Variants in TAFA5 observed in about 807,000 individuals in gnomAD.
TAFA5 encodes the protein TAFA chemokine like family member 5, also known as chemokine-like protein TAFA-5.
A neutral mutation model predicts 15.3 loss-of-function variants in TAFA5; 6 were observed. That is an observed-to-expected ratio of 0.39 (90% CI 0.21 to 0.77). The LOEUF is 0.77. Ranked by LOEUF, TAFA5 falls within the 30% of genes least tolerant of loss-of-function variation. The probability of loss-of-function intolerance (pLI) is 0.41; values close to 1 mark genes in which losing one functional copy is unlikely to be tolerated. For missense variants in TAFA5, 161 were observed against 193.1 expected, an observed-to-expected ratio of 0.83 and a Z score of 0.98; for synonymous variants, 103 against 80.7, an observed-to-expected ratio of 1.28 and a Z score of -1.48.
intron 3 of TAFA5, among the ~76,000 whole-genome samples, 200 bp downstream of exon 3, chr22:48,708,044 G>A (rs1929137879): frequency 1.3e-5 from 2 of 152,084 alleles, no homozygotes; most frequent in African/African-American, 2.4e-5. Flanking sequence ...CAGACGGTCT[G>A]TGAGTACATG....
intron 1 of TAFA5, among the ~76,000 whole-genome samples, chr22:48,570,547 T>C (rs1203698595): frequency 1.3e-5 from 2 of 152,244 alleles, no homozygotes; most frequent in Non-Finnish European, 2.9e-5. Context: ...AGTTTCAACA[T>C]GCGTGATGTC....
chr22:48,542,681 G>A (rs1922497466), intron 1 of TAFA5, among the ~76,000 whole-genome samples: 1 of 142,014 alleles, frequency 7.0e-6, no homozygotes, highest in African/African-American at 2.6e-5. Flanking sequence ...TGATGTTTGT[G>A]TGGTGTATGT....
intron 2 of TAFA5, among the ~76,000 whole-genome samples, chr22:48,704,011 G>C (rs1487445765): frequency 6.6e-6 from 1 of 152,226 alleles, no homozygotes; most frequent in Non-Finnish European, 1.5e-5. Context: ...GGGGACCCCA[G>C]GGGGTTTCTG....
chr22:48,687,331 G>A (rs896775939), intron 2 of TAFA5, among the ~76,000 whole-genome samples: 1 of 150,666 alleles, frequency 6.6e-6, no homozygotes, highest in African/African-American at 2.4e-5. Context: ...TGGTGGACAG[G>A]TGGATGGATG....
chr22:48,683,766 G>T (rs1322933303), intron 2 of TAFA5, among the ~76,000 whole-genome samples: 5 of 152,218 alleles, frequency 3.3e-5, no homozygotes, highest in Non-Finnish European at 7.3e-5. Flanking sequence ...ATCCCCACAT[G>T]TCGAGGGAGA....
chr22:48,509,239 G>A (rs190619827), intron 1 of TAFA5, among the ~76,000 whole-genome samples: 97 of 152,274 alleles, frequency 6.4e-4, no homozygotes, highest in Non-Finnish European at 9.3e-4. Context: ...ATTCTGCGTC[G>A]TGGCTCTTGT....
chr22:48,589,939 A>T (rs74708428), intron 1 of TAFA5, among the ~76,000 whole-genome samples: 25,766 of 151,892 alleles, frequency 0.17, 2,549 homozygotes, highest in East Asian at 0.3. Context: ...GAGGAACCGG[A>T]TATAGCAGGC....
chr22:48,665,825 G>A (rs1459239324), intron 2 of TAFA5, among the ~76,000 whole-genome samples: 2 of 152,062 alleles, frequency 1.3e-5, no homozygotes, highest in South Asian at 2.1e-4. Context: ...GCGCCCTCCC[G>A]AGAACGCTAA....
At chr22:48,573,069 T>C (rs1168278674) in intron 1 of TAFA5, among the ~76,000 whole-genome samples, 1 of 152,236 alleles carries the variant, frequency 6.6e-6, no homozygotes. Context: ...TGTGGACAGC[T>C]TTCCTCTGGC....
At chr22:48,699,338 G>A (rs758118141) in intron 2 of TAFA5, among the ~76,000 whole-genome samples, 3 of 152,154 alleles carry the variant, frequency 2.0e-5, no homozygotes, top group Non-Finnish European at 4.4e-5. Flanking sequence ...CCCTTACCAG[G>A]CGGTAAAACT....
chr22:48,708,883 A>G (rs1033742635), intron 3 of TAFA5, among the ~76,000 whole-genome samples: 2 of 152,190 alleles, frequency 1.3e-5, no homozygotes, highest in Non-Finnish European at 2.9e-5. Context: ...GCAGCCTCCA[A>G]GAGAGGGCTC....
intron 1 of TAFA5, among the ~76,000 whole-genome samples, chr22:48,555,700 C>T (rs1248367682): frequency 6.6e-6 from 1 of 152,182 alleles, no homozygotes; most frequent in African/African-American, 2.4e-5. Flanking sequence ...ATCAGCAAGG[C>T]CCAGGGAAGA....
chr22:48,576,427 G>C, intron 1 of TAFA5: 2 of 1,317,744 alleles, frequency 1.5e-6, no homozygotes, highest in Non-Finnish European at 2.0e-6. Context: ...CTGATGCGGC[G>C]CCTGGACCTT....
At chr22:48,591,427 C>A (rs1924563617) in intron 1 of TAFA5, among the ~76,000 whole-genome samples, 1 of 152,256 alleles carries the variant, frequency 6.6e-6, no homozygotes, top group Non-Finnish European at 1.5e-5. Context: ...GTGCGTCTGA[C>A]CCCCAGGGCT....
chr22:48,592,997 C>T (rs1028508014), intron 1 of TAFA5, among the ~76,000 whole-genome samples: 2 of 152,050 alleles, frequency 1.3e-5, no homozygotes, highest in African/African-American at 4.8e-5. Context: ...AGGGCCTCTT[C>T]AGAGCTAGCT....
At chr22:48,640,828 A>G (rs35568027) in intron 1 of TAFA5, among the ~76,000 whole-genome samples, 18,805 of 146,884 alleles carry the variant, frequency 0.13, 607 homozygotes, top group East Asian at 0.32. Context: ...GGTCTGCCCT[A>G]TGGGACAACT....
In TAFA5 at chr22:48,594,045, C is replaced by G. The variant is rs142888951; in HGVS notation, c.113-52552C>G. Among the ~76,000 whole-genome samples the G allele has an allele frequency of 3.3e-3, 501 of 152,304 alleles. 5 individuals carry two copies. The highest frequency in any genetic ancestry group is 0.011 in the African/African-American group (467 of 41,570). ...ACCCATTGTGATAAATGCCAGAAAA[C>G]AAAAGCTTTTTTCCAGGGCGCTGAG... On this transcript the variant is annotated intron_variant, in intron 1 of 3. Coordinates refer to ENST00000402357, the MANE Select transcript of TAFA5 (RefSeq NM_001082967.3).
chr22:48,576,314 A>C, intron 1 of TAFA5: 4 of 1,071,260 alleles, frequency 3.7e-6, no homozygotes, highest in East Asian at 5.8e-5. Context: ...AGAAAGACAC[A>C]AATCGCCTCC....
intron 1 of TAFA5, among the ~76,000 whole-genome samples, chr22:48,639,846 A>G (rs926365699): frequency 6.6e-6 from 1 of 152,204 alleles, no homozygotes; most frequent in African/African-American, 2.4e-5. Flanking sequence ...GAGAGCCAGC[A>G]GTCCCCAGGG....
Sources: allele counts gnomAD v4.1 joint callset (sites outside exome capture counted in the v4.1 genomes callset), GRCh38; gene constraint gnomAD v4.1.1; transcripts MANE v1.5; gene names NCBI Gene and HGNC (gene_info 2026-07-23, HGNC 2026-07-21).